Variants in TTC7A observed in about 807,000 individuals in gnomAD.
TTC7A encodes tetratricopeptide repeat domain 7A.
TTC7A carries 110 observed loss-of-function variants against 103.7 expected under a neutral mutation model. The ratio of observed to expected loss-of-function variants is 1.06; its 90% CI spans 0.91 to 1.24. The LOEUF is 1.24. TTC7A is among the 50% of genes most tolerant of loss of function. The probability of loss-of-function intolerance (pLI) is 0.00; values close to 1 mark genes in which losing one functional copy is unlikely to be tolerated. For missense variants in TTC7A, 1,340 were observed against 1,116.3 expected (o/e 1.20, Z -2.86); for synonymous variants, 521 against 467.9 (o/e 1.11, Z -1.47).
exon 2 of TTC7A, chr2:46,917,243 C>G (rs1290072400): frequency 1.4e-6 from 1 of 700,688 alleles, no homozygotes. Flanking sequence ...AATCCTCCCA[C>G]CACCTCCGCC....
At chr2:46,955,144 A>T (rs553419717) in intron 2 of TTC7A, among the ~76,000 whole-genome samples, 1 of 151,198 alleles carries the variant, frequency 6.6e-6, no homozygotes, top group Non-Finnish European at 1.5e-5. Flanking sequence ...TGCCCTATTA[A>T]TGCCTTCAGC....
chr2:46,930,891 CTT>C (rs1669666627), intron 2 of TTC7A, among the ~76,000 whole-genome samples: 2 of 152,140 alleles, frequency 1.3e-5, no homozygotes, highest in African/African-American at 4.8e-5. Flanking sequence ...TATATGAACT[CTT>C]TGGAGAAAAG....
chr2:47,052,887 A>T (rs1163527214), intron 18 of TTC7A, among the ~76,000 whole-genome samples: 4 of 152,048 alleles, frequency 2.6e-5, no homozygotes, highest in Non-Finnish European at 4.4e-5. Flanking sequence ...TATTGTCCCC[A>T]GGGGGGGAGT....
At chr2:47,008,313 C>T (rs1227408297) in intron 10 of TTC7A, among the ~76,000 whole-genome samples, 1 of 152,206 alleles carries the variant, frequency 6.6e-6, no homozygotes, top group Non-Finnish European at 1.5e-5. Flanking sequence ...ATTCACTGCA[C>T]GTGCAAGTTA....
intron 19 of TTC7A, among the ~76,000 whole-genome samples, chr2:47,061,966 T>G (rs1392315577): frequency 6.6e-6 from 1 of 152,136 alleles, no homozygotes; most frequent in Non-Finnish European, 1.5e-5. Flanking sequence ...TGAGAGAGTG[T>G]TAAGGAGAAC....
In TTC7A at chr2:47,071,706, C is replaced by T. The variant is rs193066979; in HGVS notation, c.2356-1996C>T. On this transcript the variant is annotated intron_variant, in intron 19 of 19. Transcript: ENST00000319190. ...GCTTTTTCCTCCCTACAGACACACA[C>T]AGGAAGTTACTGCAAACCTCCGAAA... Among the ~76,000 whole-genome samples, 78 of 152,312 alleles carry T rather than the reference C, an allele frequency of 5.1e-4. 1 individual carries two copies. The highest frequency in any genetic ancestry group is 3.9e-3 in the Admixed American group (59 of 15,296).
chr2:47,069,746 G>A (rs921773604), intron 19 of TTC7A, among the ~76,000 whole-genome samples: 1 of 152,210 alleles, frequency 6.6e-6, no homozygotes, highest in African/African-American at 2.4e-5. Flanking sequence ...GAGCTGGGCT[G>A]GAATGCCAGC....
chr2:46,977,998 A>G (rs1437828947), intron 4 of TTC7A: 1 of 152,228 alleles, frequency 6.6e-6, no homozygotes, highest in Non-Finnish European at 1.5e-5. Context: ...GCAATTTTCT[A>G]AGAGTTTCAT....
chr2:47,058,815 G>C (rs966519265), intron 18 of TTC7A, among the ~76,000 whole-genome samples: 1 of 152,106 alleles, frequency 6.6e-6, no homozygotes, highest in Admixed American at 6.5e-5. Flanking sequence ...GTGTGTGTGT[G>C]GGGGCTGGCC....
chr2:46,943,759 G>T (rs1354629800), intron 1 of TTC7A, among the ~76,000 whole-genome samples: 2 of 152,180 alleles, frequency 1.3e-5, no homozygotes, highest in Non-Finnish European at 2.9e-5. Context: ...CACCTGGCCT[G>T]TTTGACTCTT....
At chr2:47,028,025 T>C (rs1680103490) in intron 14 of TTC7A, among the ~76,000 whole-genome samples, 1 of 152,106 alleles carries the variant, frequency 6.6e-6, no homozygotes. Flanking sequence ...CCTCCACAGC[T>C]GAATGTAGAT....
intron 10 of TTC7A, among the ~76,000 whole-genome samples, chr2:47,008,517 G>A (rs1215365247): frequency 1.3e-5 from 2 of 152,190 alleles, no homozygotes; most frequent in Admixed American, 6.5e-5. Flanking sequence ...AGGTGGCCCC[G>A]GGAGTGGGCT....
intron 19 of TTC7A, among the ~76,000 whole-genome samples, chr2:47,072,320 C>T (rs13395319): frequency 0.047 from 7,157 of 152,286 alleles, 553 homozygotes; most frequent in African/African-American, 0.16. Flanking sequence ...CCAGGGCTGA[C>T]AGAGGCGCTG....
intron 5 of TTC7A, among the ~76,000 whole-genome samples, chr2:46,990,973 T>C (rs1675564413): frequency 1.3e-5 from 2 of 152,066 alleles, no homozygotes; most frequent in South Asian, 4.2e-4. Context: ...AGTGCAGTGA[T>C]GCGATTTCAG....
In TTC7A at chr2:47,001,859, CAA is replaced by C. The variant is rs397871545; in HGVS notation, c.1066-4044_1066-4043del. On this transcript the variant is annotated intron_variant, in intron 8 of 19. Coordinates refer to ENST00000319190, the MANE Select transcript of TTC7A (RefSeq NM_020458.4). ...GGGCAACAAGAGCGAGACTCTGTCTCAAAAAAAAAAAAAAAAAAAAGAGTAAT... is the reference window on the plus strand; with the variant it reads ...GGGCAACAAGAGCGAGACTCTGTCTCAAAAAAAAAAAAAAAAAAGAGTAAT... 6.1e-3 allele frequency among the ~76,000 whole-genome samples: 556 copies of C among 90,434 alleles called. 4 individuals carry two copies. The highest frequency in any genetic ancestry group is 0.017 in the African/African-American group (489 of 28,322). The allele number at this position is 90,434 out of a possible 152,430, so 59.3% of individuals were successfully genotyped here.
intron 2 of TTC7A, among the ~76,000 whole-genome samples, chr2:46,925,198 T>C (rs554412830): frequency 6.6e-6 from 1 of 152,298 alleles, no homozygotes; most frequent in South Asian, 2.1e-4. Context: ...TTAAGCGATC[T>C]TCCCACCTCA....
intron 14 of TTC7A, 122 bp from the exon 15 acceptor site, chr2:47,029,102 G>T: frequency 8.6e-7 from 1 of 1,158,792 alleles, no homozygotes; most frequent in Non-Finnish European, 1.2e-6. Flanking sequence ...CAGCCTCCCT[G>T]CCCCCAGTGC....
chr2:47,018,630 C>T, intron 11 of TTC7A, among the ~76,000 whole-genome samples: 1 of 148,270 alleles, frequency 6.7e-6, no homozygotes. Context: ...AGCTTATATA[C>T]ATATAAGAAA....
At chr2:46,965,015 C>A (rs1672717592) in intron 3 of TTC7A, among the ~76,000 whole-genome samples, 1 of 152,170 alleles carries the variant, frequency 6.6e-6, no homozygotes, top group South Asian at 2.1e-4. Flanking sequence ...GATGCCCTGA[C>A]CGTGGTGCAC....
Sources: allele counts gnomAD v4.1 joint callset (sites outside exome capture counted in the v4.1 genomes callset), GRCh38; gene constraint gnomAD v4.1.1; transcripts MANE v1.5; gene names NCBI Gene and HGNC (gene_info 2026-07-23, HGNC 2026-07-21).